MED13L: variants seen among roughly 807,000 people sequenced by gnomAD.
MED13L encodes the protein mediator complex subunit 13L.
MED13L carries 7 observed loss-of-function variants against 220.9 expected under a neutral mutation model. That is an observed-to-expected ratio of 0.03 (90% CI 0.02 to 0.06). MED13L has a LOEUF of 0.06. Among genes scored for constraint, MED13L ranks in the 10% least tolerant of loss-of-function variants. The probability of loss-of-function intolerance (pLI) is 1.00; values close to 1 mark genes in which losing one functional copy is unlikely to be tolerated. For synonymous variants in MED13L, 1,011 were observed against 1,015.2 expected (o/e 1.00, Z 0.08); for missense variants, 1,965 against 2,760.5 (o/e 0.71, Z 6.46).
At chr12:116,135,801 G>C (rs546227121) in intron 2 of MED13L, among the ~76,000 whole-genome samples, 1 of 152,228 alleles carries the variant, frequency 6.6e-6, no homozygotes, top group African/African-American at 2.4e-5. Context: ...ACAAAGGCTA[G>C]CTGATCAGTT....
At chr12:116,135,289 A>T (rs1208568778) in intron 2 of MED13L, among the ~76,000 whole-genome samples, 2 of 152,208 alleles carry the variant, frequency 1.3e-5, no homozygotes, top group Non-Finnish European at 2.9e-5. Flanking sequence ...CTGAGTAATA[A>T]ATCTAACTCC....
At position 116,276,718 on chromosome 12, in the gene MED13L, A is replaced by G. The variant is rs1253513070; in HGVS notation, c.72+342T>C. ...AAAGCCTTCCACATTTACGGGGGGAAAAAAAGGGGGGAAAGGGGAGGAGAA... is the reference window on the plus strand; with the variant it reads ...AAAGCCTTCCACATTTACGGGGGGAGAAAAAGGGGGGAAAGGGGAGGAGAA... On this transcript the variant is annotated intron_variant, in intron 1 of 30. Coordinates refer to ENST00000281928, the MANE Select transcript of MED13L (RefSeq NM_015335.5). 8.4e-6 allele frequency: 8 copies of G among 951,932 alleles called. No homozygotes were observed. In the East Asian group the frequency reaches 1.7e-4, roughly 21 times the overall value. The allele number at this position is 951,932 out of a possible 1,614,324, so 59.0% of individuals were successfully genotyped here.
chr12:116,228,470 A>G (rs1869224576), intron 2 of MED13L, among the ~76,000 whole-genome samples: 1 of 152,044 alleles, frequency 6.6e-6, no homozygotes, highest in Admixed American at 6.6e-5. Context: ...GGCGAACACC[A>G]ACCATGCCCA....
At chr12:116,256,867 G>T (rs993684977) in intron 1 of MED13L, among the ~76,000 whole-genome samples, 1 of 151,856 alleles carries the variant, frequency 6.6e-6, no homozygotes, top group African/African-American at 2.4e-5. Context: ...TGTATTTTTA[G>T]TAGAGACGAG....
intron 2 of MED13L, among the ~76,000 whole-genome samples, chr12:116,139,174 A>T (rs1876838561): frequency 6.6e-6 from 1 of 152,240 alleles, no homozygotes; most frequent in African/African-American, 2.4e-5. Flanking sequence ...CTGAGTCAAG[A>T]ACATCACAGA....
At chr12:115,973,216 C>T (rs574926206) in intron 25 of MED13L, among the ~76,000 whole-genome samples, 4 of 152,166 alleles carry the variant, frequency 2.6e-5, no homozygotes, top group South Asian at 2.1e-4. Context: ...AAACCAAGTA[C>T]GAAAGAAAAG....
intron 2 of MED13L, among the ~76,000 whole-genome samples, chr12:116,139,649 A>G (rs1355161409): frequency 1.3e-5 from 2 of 152,182 alleles, no homozygotes; most frequent in African/African-American, 4.8e-5. Context: ...TTTGTCGCAC[A>G]TAGTACCTAG....
intron 1 of MED13L, among the ~76,000 whole-genome samples, chr12:116,241,476 C>T (rs907870589): frequency 4.6e-5 from 7 of 152,046 alleles, no homozygotes; most frequent in Non-Finnish European, 7.4e-5. Context: ...AATCTATGCA[C>T]GGTAATTTAC....
At chr12:116,276,452 G>C (rs1187293732) in intron 1 of MED13L, 8 of 1,288,682 alleles carry the variant, frequency 6.2e-6, no homozygotes, top group Non-Finnish European at 8.1e-6. Flanking sequence ...CGGTGCAATG[G>C]CTTTACGGCT....
intron 4 of MED13L, among the ~76,000 whole-genome samples, chr12:116,050,554 G>A (rs973401560): frequency 2.0e-5 from 3 of 152,148 alleles, no homozygotes; most frequent in Non-Finnish European, 4.4e-5. Flanking sequence ...ACCCTACTTA[G>A]AAGATGGTAA....
chr12:116,146,557 T>C (rs912976402), intron 2 of MED13L, among the ~76,000 whole-genome samples: 1 of 152,102 alleles, frequency 6.6e-6, no homozygotes, highest in Non-Finnish European at 1.5e-5. Flanking sequence ...ACACCCTGCT[T>C]TAAATCTTGA....
At chr12:116,186,125 T>A in intron 2 of MED13L, among the ~76,000 whole-genome samples, 1 of 152,206 alleles carries the variant, frequency 6.6e-6, no homozygotes, top group East Asian at 1.9e-4. Flanking sequence ...TACTACCTCC[T>A]CCTCAAAGCC....
chr12:116,105,457 T>C (rs1036462790), intron 3 of MED13L, among the ~76,000 whole-genome samples: 13 of 152,206 alleles, frequency 8.5e-5, no homozygotes, highest in African/African-American at 2.4e-4. Flanking sequence ...AGGAAGCACA[T>C]TTACTTTTTC....
intron 2 of MED13L, among the ~76,000 whole-genome samples, chr12:116,178,366 G>A (rs1565914740): frequency 6.6e-6 from 1 of 152,114 alleles, no homozygotes; most frequent in Admixed American, 6.6e-5. Context: ...TAATTTGGAG[G>A]AGCCAGAGTC....
At chr12:116,215,511 AT>A (rs1200714325) in intron 2 of MED13L, among the ~76,000 whole-genome samples, 2 of 152,170 alleles carry the variant, frequency 1.3e-5, no homozygotes, top group Non-Finnish European at 2.9e-5. Flanking sequence ...TTCCAATTCA[AT>A]ATCTCCTATT....
Position 115,972,247 on chromosome 12 carries a change from ATATCGC to A in MED13L, c.5732-17_5732-12del. On this transcript the variant is annotated splice_polypyrimidine_tract_variant and intron_variant, in intron 25 of 30. Transcript: ENST00000281928. ...GGAGGATACTCCAATCTGAAATCAAATATCGCAGTCATACACAGTCTTTAGAAATTC... is the reference window on the plus strand; with the variant it reads ...GGAGGATACTCCAATCTGAAATCAAAAGTCATACACAGTCTTTAGAAATTC... 6.2e-7 allele frequency: 1 copy of A among 1,612,374 alleles called. No individual in the cohort carries two copies. Among genetic ancestry groups the A allele is most frequent in the Non-Finnish European group, 8.5e-7 (1 of 1,179,752 alleles).
At chr12:116,044,160 T>C (rs1264928449) in intron 4 of MED13L, among the ~76,000 whole-genome samples, 1 of 152,216 alleles carries the variant, frequency 6.6e-6, no homozygotes, top group African/African-American at 2.4e-5. Context: ...TAAATCAACT[T>C]GGTATTCTAG....
At chr12:116,276,466 C>A in intron 1 of MED13L, 1 of 1,288,844 alleles carries the variant, frequency 7.8e-7, no homozygotes, top group Non-Finnish European at 1.0e-6. Flanking sequence ...TACGGCTCTC[C>A]AGCATAGTAA....
At chr12:116,060,451 G>A (rs997615284) in intron 4 of MED13L, among the ~76,000 whole-genome samples, 7 of 151,486 alleles carry the variant, frequency 4.6e-5, no homozygotes, top group African/African-American at 1.7e-4. Flanking sequence ...TGTGGCGGGT[G>A]CCTGTAGTCC....
Sources: gnomAD v4.1 joint callset for allele counts (sites outside exome capture counted in the v4.1 genomes callset) on GRCh38, gnomAD v4.1.1 for gene constraint, MANE v1.5 for transcripts, NCBI Gene and HGNC (gene_info 2026-07-23, HGNC 2026-07-21) for gene names.